The following KPNA5 variants were observed in gnomAD, a reference collection of about 807,000 sequenced individuals.
KPNA5 encodes the protein importin subunit alpha-6.
In KPNA5, 46 loss-of-function variants were observed where a neutral mutation model predicts 71.3. The observed-to-expected ratio is 0.65, with a 90% CI of 0.51 to 0.83. The LOEUF (loss-of-function observed/expected upper bound fraction) is 0.83. Ranked by LOEUF, KPNA5 falls within the 40% of genes least tolerant of loss-of-function variation. KPNA5 has a pLI of 0.00. For missense variants in KPNA5, 547 were observed against 628.3 expected, an observed-to-expected ratio of 0.87 and a Z score of 1.38; for synonymous variants, 207 against 201.4, an observed-to-expected ratio of 1.03 and a Z score of -0.24.
intron 5 of KPNA5, among the ~76,000 whole-genome samples, chr6:116,701,692 T>A (rs1254428929): frequency 3.9e-5 from 6 of 152,212 alleles, no homozygotes; most frequent in Non-Finnish European, 4.4e-5. Context: ...TGCTTTAGAA[T>A]GCTTGCCTCT....
intron 7 of KPNA5, 105 bp from the exon 8 acceptor site, chr6:116,716,114 T>C (rs1430647606): frequency 1.6e-5 from 13 of 789,868 alleles, no homozygotes; most frequent in Non-Finnish European, 2.0e-5. Flanking sequence ...ATTTTGCTAG[T>C]TTGAATATCT....
intron 8 of KPNA5, among the ~76,000 whole-genome samples, chr6:116,721,094 G>T (rs1397352401): frequency 6.6e-6 from 1 of 151,460 alleles, no homozygotes; most frequent in African/African-American, 2.4e-5. Flanking sequence ...CAGCAGAGAT[G>T]GTAACTGCTT....
At position 116,735,489 on chromosome 6, in the gene KPNA5, C is replaced by T. The variant is rs1779639826; in HGVS notation, c.*3166C>T. ...CATTTTAGGAGCCAATATAATAGAG[C>T]TCTAAAAGGATAGTATATCTTTAAA... On this transcript the variant is annotated 3_prime_UTR_variant, in exon 14 of 14. Transcript: ENST00000368564. 1 of 151,518 alleles carries T rather than the reference C, an allele frequency of 6.6e-6. No individual in the cohort carries two copies. Among genetic ancestry groups the T allele is most frequent in the Admixed American group, 6.6e-5 (1 of 15,154 alleles). 9.4% of individuals were successfully genotyped at this position (151,518 alleles called of 1,614,324 possible). A position where few individuals can be genotyped will look rare whatever the true frequency, so the allele number is the denominator to read the frequency against.
At chr6:116,706,856 T>C (rs902935403) in intron 7 of KPNA5, among the ~76,000 whole-genome samples, 1 of 151,300 alleles carries the variant, frequency 6.6e-6, no homozygotes, top group African/African-American at 2.4e-5. Context: ...AAAGGAAAAA[T>C]TTTCAGCTTA....
chr6:116,712,924 T>C (rs1778756724), intron 7 of KPNA5, among the ~76,000 whole-genome samples: 3 of 152,234 alleles, frequency 2.0e-5, no homozygotes, highest in Non-Finnish European at 4.4e-5. Context: ...ATTGAATTAC[T>C]CGCAGTTTAC....
chr6:116,684,151 G>A (rs1193555535), intron 1 of KPNA5, among the ~76,000 whole-genome samples: 3 of 151,818 alleles, frequency 2.0e-5, no homozygotes, highest in Non-Finnish European at 4.4e-5. Flanking sequence ...GACCTCAAGC[G>A]ATCGACTCTC....
Position 116,736,163 on chromosome 6 carries a change from C to G in KPNA5, c.*3840C>G, listed in dbSNP as rs932180093. 1.1e-4 allele frequency: 16 copies of G among 151,458 alleles called. No homozygotes were observed. The highest frequency in any genetic ancestry group is 1.9e-4 in the Non-Finnish European group (13 of 67,756). The allele number at this position is 151,458 out of a possible 1,614,324, so 9.4% of individuals were successfully genotyped here. A position where few individuals can be genotyped will look rare whatever the true frequency, so the allele number is the denominator to read the frequency against. On this transcript the variant is annotated 3_prime_UTR_variant, in exon 14 of 14. Transcript: ENST00000368564. ...AATGTAGAAACAAATGTTCATCAGC[C>G]AATGGATAAATAAAATGTTATATTC...
chr6:116,735,057 G>A lies in KPNA5; in HGVS notation c.*2734G>A, dbSNP rs964704189. The stretch of plus-strand genomic sequence containing the variant: ...TTTATAAGCACTTGACTCACTGGGT[G>A]TGGTCTTTTTACTGTGTTTTATTTC... On this transcript the variant is annotated 3_prime_UTR_variant, in exon 14 of 14. Transcript: ENST00000368564. 4.6e-5 allele frequency: 7 copies of A among 151,696 alleles called. No homozygotes were observed. In the South Asian group the frequency reaches 8.3e-4, roughly 18 times the overall value. 9.4% of individuals were successfully genotyped at this position (151,696 alleles called of 1,614,324 possible).
intron 4 of KPNA5, among the ~76,000 whole-genome samples, chr6:116,694,008 T>G (rs1437627870): frequency 3.9e-5 from 6 of 152,106 alleles, no homozygotes; most frequent in Admixed American, 1.3e-4. Context: ...TTTCCCCATT[T>G]CTTGTTTTTG....
intron 7 of KPNA5, among the ~76,000 whole-genome samples, chr6:116,711,185 C>T (rs893615011): frequency 1.3e-4 from 19 of 151,100 alleles, no homozygotes; most frequent in African/African-American, 3.4e-4. Flanking sequence ...TGAGCCACCG[C>T]GCCCAGCCAA....
At chr6:116,706,252 G>A (rs989604606) in intron 7 of KPNA5, among the ~76,000 whole-genome samples, 5 of 152,158 alleles carry the variant, frequency 3.3e-5, no homozygotes, top group African/African-American at 1.2e-4. Flanking sequence ...ATCTCAAGTA[G>A]GTAGTGGTTT....
chr6:116,721,796 C>G (rs1315058156), intron 8 of KPNA5, among the ~76,000 whole-genome samples: 3 of 152,144 alleles, frequency 2.0e-5, no homozygotes, highest in Non-Finnish European at 2.9e-5. Context: ...CTGTGATCAT[C>G]ATATCAAACA....
intron 2 of KPNA5, among the ~76,000 whole-genome samples, chr6:116,689,965 T>C (rs1196687537): frequency 1.3e-5 from 2 of 152,218 alleles, no homozygotes; most frequent in Non-Finnish European, 1.5e-5. Context: ...TATTCCAAGA[T>C]GTACTTAAAT....
chr6:116,692,339 A>G lies in KPNA5; in HGVS notation c.287A>G (p.Asn96Ser). Residue 96 changes from asparagine to serine, a missense_variant, in exon 4 of 14, where the codon AAT becomes AGT. Asn to Ser is a conservative substitution (Grantham distance 46, BLOSUM62 1). Transcript: ENST00000368564. ...ATGGTTCAGATGATTTTTTCTAATA[A>G]TGCTGATCAACAGCTAACAGCAACA... ...TDMVQMIFSN[N>S]ADQQLTATQK... 1.2e-6 allele frequency: 2 copies of G among 1,605,950 alleles called. No homozygotes were observed. Among genetic ancestry groups the G allele is most frequent in the Non-Finnish European group, 1.7e-6 (2 of 1,177,728 alleles).
At chr6:116,728,376 A>G (rs1427365495) in intron 12 of KPNA5, among the ~76,000 whole-genome samples, 1 of 152,090 alleles carries the variant, frequency 6.6e-6, no homozygotes, top group Non-Finnish European at 1.5e-5. Flanking sequence ...AACCACTTTT[A>G]TCATTTCATT....
rs564988268 is a variant in KPNA5 at position 116,686,085 on chromosome 6, T to C, written c.5-3235T>C. On this transcript the variant is annotated intron_variant, in intron 1 of 13. Transcript: ENST00000368564. ...ATGCCTGGGTAATGTTTTGATATTT[T>C]GTTGAGACAGGGTCTCATTGTGTGG... Among the ~76,000 whole-genome samples, 14 of 152,120 alleles carry C rather than the reference T, an allele frequency of 9.2e-5. No homozygotes were observed. In the South Asian group the frequency reaches 2.9e-3, roughly 32 times the overall value.
At chr6:116,725,613 T>G in intron 10 of KPNA5, 138 bp from the exon 11 acceptor site, 1 of 761,148 alleles carries the variant, frequency 1.3e-6, no homozygotes, top group Non-Finnish European at 2.0e-6. Flanking sequence ...AGACAGCAAG[T>G]TTTACTTTGG....
chr6:116,711,538 A>ATGTGTGTGTGTGTGTG (rs143357784), intron 7 of KPNA5, among the ~76,000 whole-genome samples: 279 of 143,542 alleles, frequency 1.9e-3, no homozygotes, highest in African/African-American at 6.9e-3. Context: ...TTTTCTGCAT[A>ATGTGTGTGTGTGTGTG]TGTGTGTGTG....
At chr6:116,730,237 C>T (rs910164667) in intron 13 of KPNA5, among the ~76,000 whole-genome samples, 4 of 151,700 alleles carry the variant, frequency 2.6e-5, no homozygotes, top group African/African-American at 9.7e-5. Context: ...CAGGTGCATG[C>T]CACCATGCCC....
Sources: gnomAD v4.1 joint callset for allele counts (sites outside exome capture counted in the v4.1 genomes callset) on GRCh38, gnomAD v4.1.1 for gene constraint, MANE v1.5 for transcripts, NCBI Gene and HGNC (gene_info 2026-07-23, HGNC 2026-07-21) for gene names.